SHISA6: variants seen among roughly 807,000 people sequenced by gnomAD.
The protein encoded by SHISA6 is shisa family member 6.
In SHISA6, 22 loss-of-function variants were observed where a neutral mutation model predicts 47.9. The ratio of observed to expected loss-of-function variants is 0.46; its 90% CI spans 0.33 to 0.66. SHISA6 has a LOEUF of 0.66. Among genes scored for constraint, SHISA6 ranks in the 30% least tolerant of loss-of-function variants. The pLI is 0.02. For missense variants in SHISA6, 680 were observed against 764.6 expected, an observed-to-expected ratio of 0.89 and a Z score of 1.30; for synonymous variants, 388 against 337.8, an observed-to-expected ratio of 1.15 and a Z score of -1.63.
chr17:11,288,988 T>C (rs1909424276), intron 2 of SHISA6: 1 of 152,168 alleles, frequency 6.6e-6, no homozygotes. Flanking sequence ...TGATCTTAAC[T>C]GAGGAGTAAC....
chr17:11,318,797 A>C (rs1428730412), intron 2 of SHISA6, among the ~76,000 whole-genome samples: 1 of 152,220 alleles, frequency 6.6e-6, no homozygotes, highest in East Asian at 1.9e-4. Flanking sequence ...AAATATCCTC[A>C]TAAGGTATTC....
At chr17:11,389,128 G>A (rs1176678372) in intron 3 of SHISA6, among the ~76,000 whole-genome samples, 1 of 152,056 alleles carries the variant, frequency 6.6e-6, no homozygotes, top group East Asian at 2.0e-4. Flanking sequence ...AAGTTCCTGA[G>A]CCACCCACGG....
At chr17:11,309,150 A>G (rs144849338) in intron 2 of SHISA6, among the ~76,000 whole-genome samples, 1 of 152,186 alleles carries the variant, frequency 6.6e-6, no homozygotes, top group East Asian at 1.9e-4. Context: ...ATGATTTTAG[A>G]GATGGGGTCT....
chr17:11,249,228 G>A lies in SHISA6; in HGVS notation c.638+7168G>A, dbSNP rs565836318. ...GAAATGCTGAATGCTGAGACCTACCGGATCAATGCAGTTCAGCTCTGTGAG... is the reference window on the plus strand; with the variant it reads ...GAAATGCTGAATGCTGAGACCTACCAGATCAATGCAGTTCAGCTCTGTGAG... On this transcript the variant is annotated intron_variant, in intron 1 of 5. Transcript: ENST00000441885. Among the ~76,000 whole-genome samples the A allele has an allele frequency of 7.9e-5, 12 of 151,960 alleles. No individual in the cohort carries two copies. In the South Asian group the frequency reaches 2.3e-3, roughly 29 times the overall value.
At chr17:11,385,075 A>G (rs1416273357) in intron 3 of SHISA6, among the ~76,000 whole-genome samples, 1 of 152,198 alleles carries the variant, frequency 6.6e-6, no homozygotes, top group Non-Finnish European at 1.5e-5. Flanking sequence ...GCAAGTAAAT[A>G]TATGAAGTAG....
intron 1 of SHISA6, among the ~76,000 whole-genome samples, chr17:11,255,839 C>T (rs1050257578): frequency 3.3e-5 from 5 of 152,240 alleles, no homozygotes; most frequent in Admixed American, 6.5e-5. Flanking sequence ...ATAGGCTGAG[C>T]CGATGTAGAT....
At chr17:11,350,095 G>T (rs1195019663) in intron 2 of SHISA6, among the ~76,000 whole-genome samples, 1 of 151,350 alleles carries the variant, frequency 6.6e-6, no homozygotes, top group Non-Finnish European at 1.5e-5. Flanking sequence ...AGGTTCAAGT[G>T]ATTCCCCTGC....
At chr17:11,362,543 C>T (rs930319542) in intron 2 of SHISA6, among the ~76,000 whole-genome samples, 3 of 152,132 alleles carry the variant, frequency 2.0e-5, no homozygotes, top group Non-Finnish European at 2.9e-5. Flanking sequence ...AATGGCAGCC[C>T]GATGCTCCCG....
chr17:11,373,154 G>GT (rs890619723), intron 2 of SHISA6, among the ~76,000 whole-genome samples: 24 of 150,556 alleles, frequency 1.6e-4, no homozygotes, highest in South Asian at 4.2e-4. Flanking sequence ...AAATTCTAGA[G>GT]TTTTTTTTTC....
Position 11,241,929 on chromosome 17 carries a change from G to A in SHISA6, c.507G>A (p.Pro169=), listed in dbSNP as rs762510242. 70 of 1,550,944 alleles carry A rather than the reference G, an allele frequency of 4.5e-5. No individual in the cohort carries two copies. The highest frequency in any genetic ancestry group is 6.0e-5 in the Non-Finnish European group (69 of 1,147,030). Residue 169 remains proline (P), a synonymous_variant, in exon 1 of 6, where the codon CCG becomes CCA. Transcript: ENST00000441885. This position sits in a 1 kb window ranked among gnomAD's most constrained non-coding sequence, Gnocchi z 5.5. ...CGGGGCCCGAGAACAAGTACGACCC[G>A]GAGAAGGACAAGACCAACTTCACCG... is the stretch of plus-strand genomic sequence containing the variant. ...VSPGPENKYD[P]EKDKTNFTVY... is the part of the protein sequence containing the mutation.
intron 3 of SHISA6, among the ~76,000 whole-genome samples, chr17:11,420,060 C>T (rs557939207): frequency 3.3e-5 from 5 of 152,118 alleles, no homozygotes; most frequent in East Asian, 1.9e-4. Flanking sequence ...AAAAATTAGC[C>T]GGGTGTGGTT....
Position 11,415,297 on chromosome 17 carries a change from T to A in SHISA6, c.895+35788T>A, listed in dbSNP as rs144541832. ...AGGCACAGATAATTGAAGTTAGGGA[T>A]CTTCATTTGGAGAATCAGTACTCAA... On this transcript the variant is annotated intron_variant, in intron 3 of 5. Transcript: ENST00000441885. Among the ~76,000 whole-genome samples the A allele has an allele frequency of 2.2e-3, 334 of 152,302 alleles. 8 individuals are homozygous for A. The East Asian group carries it at 0.045, about 20-fold the overall frequency.
chr17:11,537,463 T>C (rs2071797219), intron 3 of SHISA6, among the ~76,000 whole-genome samples: 1 of 152,082 alleles, frequency 6.6e-6, no homozygotes, highest in Non-Finnish European at 1.5e-5. Context: ...TGAATTAGAA[T>C]GATAACTAAT....
intron 3 of SHISA6, among the ~76,000 whole-genome samples, chr17:11,444,909 C>T (rs1915190184): frequency 6.6e-6 from 1 of 152,072 alleles, no homozygotes; most frequent in South Asian, 2.1e-4. Context: ...CTTACAAGTT[C>T]CACAGAGGAG....
intron 1 of SHISA6, among the ~76,000 whole-genome samples, chr17:11,242,438 G>A (rs1907404701): frequency 6.6e-6 from 1 of 152,184 alleles, no homozygotes; most frequent in African/African-American, 2.4e-5. Context: ...TCAAATCAGA[G>A]TGTCATCTTC....
At chr17:11,492,232 G>T (rs757385352) in intron 3 of SHISA6, among the ~76,000 whole-genome samples, 6 of 152,118 alleles carry the variant, frequency 3.9e-5, no homozygotes, top group African/African-American at 1.4e-4. Flanking sequence ...GGCCACAGAG[G>T]GTTGAGGGTA....
chr17:11,406,297 G>A (rs956708573), intron 3 of SHISA6, among the ~76,000 whole-genome samples: 2 of 152,146 alleles, frequency 1.3e-5, no homozygotes, highest in Non-Finnish European at 2.9e-5. Flanking sequence ...GAACACTAGG[G>A]AATTAATATC....
At chr17:11,494,458 G>A (rs1281514975) in intron 3 of SHISA6, among the ~76,000 whole-genome samples, 3 of 152,130 alleles carry the variant, frequency 2.0e-5, no homozygotes, top group Admixed American at 6.5e-5. Context: ...AATGTCCTCC[G>A]CAGTGCACCT....
chr17:11,377,301 G>T (rs1912837366), intron 2 of SHISA6, among the ~76,000 whole-genome samples: 1 of 152,122 alleles, frequency 6.6e-6, no homozygotes, highest in South Asian at 2.1e-4. Context: ...GAGGGTTGTG[G>T]CCACAGTATT....
Sources: allele counts gnomAD v4.1 joint callset (sites outside exome capture counted in the v4.1 genomes callset), GRCh38; gene constraint gnomAD v4.1.1; non-coding constraint Gnocchi (gnomAD v3.1); transcripts MANE v1.5; gene names NCBI Gene and HGNC (gene_info 2026-07-23, HGNC 2026-07-21).